Variants in NOS2 observed in about 807,000 individuals in gnomAD.
NOS2 encodes nitric oxide synthase, inducible.
NOS2 carries 96 observed loss-of-function variants against 136.0 expected under a neutral mutation model. The observed-to-expected ratio is 0.71, with a 90% CI of 0.60 to 0.84. The LOEUF (loss-of-function observed/expected upper bound fraction) is 0.84, where lower values mean the gene tolerates loss of function less well. NOS2 is among the 40% of genes least tolerant of loss of function. The probability of loss-of-function intolerance (pLI) is 0.00; values close to 1 mark genes in which losing one functional copy is unlikely to be tolerated. For missense variants in NOS2, 1,237 were observed against 1,496.9 expected, an observed-to-expected ratio of 0.83 and a Z score of 2.87; for synonymous variants, 539 against 587.5, an observed-to-expected ratio of 0.92 and a Z score of 1.20.
chr17:27,763,332 A>G (rs1242543201), intron 21 of NOS2, among the ~76,000 whole-genome samples: 1 of 152,200 alleles, frequency 6.6e-6, no homozygotes, highest in Non-Finnish European at 1.5e-5. Context: ...TGTCCTCACT[A>G]GCTGTGGAAT....
intron 3 of NOS2, among the ~76,000 whole-genome samples, chr17:27,789,293 A>T (rs544601301): frequency 6.6e-6 from 1 of 152,278 alleles, no homozygotes; most frequent in African/African-American, 2.4e-5. Context: ...AGGACATATA[A>T]GCCACCCTCT....
rs28942378 is a variant in NOS2, at chr17:27,782,398, T to C, written c.631-292A>G. 4.0e-3 allele frequency among the ~76,000 whole-genome samples: 611 copies of C among 152,254 alleles called. 2 individuals are homozygous for C. The highest frequency in any genetic ancestry group is 0.013 in the African/African-American group (549 of 41,538). ...CCCAGAATTCCAAGAAAACCTGACT[T>C]GAAAGCACCATGAATCGGGATTGCC... On this transcript the variant is annotated intron_variant, in intron 6 of 26. Coordinates refer to ENST00000313735, the MANE Select transcript of NOS2 (RefSeq NM_000625.4).
intron 22 of NOS2, 21 bp from the exon 23 acceptor site, chr17:27,761,252 G>T (rs1228446187): frequency 6.3e-7 from 1 of 1,585,624 alleles, no homozygotes; most frequent in Admixed American, 1.8e-5. Context: ...ACCACAAAGT[G>T]ACCAACGTCC....
At chr17:27,789,573 G>T (rs990782568) in intron 3 of NOS2, 31 bp downstream of exon 3, 1 of 1,538,238 alleles carries the variant, frequency 6.5e-7, no homozygotes, top group East Asian at 2.2e-5. Context: ...CAGGGAGGAA[G>T]GGGCTTCCCA....
chr17:27,785,304 A>T (rs906127664), intron 5 of NOS2, among the ~76,000 whole-genome samples: 4 of 152,210 alleles, frequency 2.6e-5, no homozygotes, highest in Admixed American at 2.0e-4. Flanking sequence ...CTGTGGCCCA[A>T]TGAAACCCAT....
At chr17:27,795,522 G>A (rs1476101985) in intron 2 of NOS2, among the ~76,000 whole-genome samples, 1 of 152,228 alleles carries the variant, frequency 6.6e-6, no homozygotes, top group Non-Finnish European at 1.5e-5. Flanking sequence ...ACAGAGCCAG[G>A]GGAGTGGGCA....
In NOS2 at chr17:27,760,221, G is replaced by C. The variant is rs762409711; in HGVS notation, c.3011-43C>G. Reference sequence around the variant, plus strand: ...TGTTGTTACCATGTTGGCCACCAGAGGGCGCCAGGGCTCCAAGCCCAACTG... The same window carrying C: ...TGTTGTTACCATGTTGGCCACCAGACGGCGCCAGGGCTCCAAGCCCAACTG... On this transcript the variant is annotated intron_variant, in intron 24 of 26. Coordinates refer to ENST00000313735, the MANE Select transcript of NOS2 (RefSeq NM_000625.4). The C allele has an allele frequency of 3.3e-6, 5 of 1,499,266 alleles. No individual in the cohort carries two copies. In the African/African-American group the frequency reaches 7.0e-5, roughly 21 times the overall value. 92.9% of individuals were successfully genotyped at this position (1,499,266 alleles called of 1,614,324 possible).
rs200972060 is a variant in NOS2, at chr17:27,798,767, G to A, written c.43C>T (p.Gln15Ter). 4 of 1,614,018 alleles carry A rather than the reference G, an allele frequency of 2.5e-6. No individual in the cohort carries two copies. Among genetic ancestry groups the A allele is most frequent in the Non-Finnish European group, 3.4e-6 (4 of 1,179,870 alleles). ...WKFLFKTKFH[Q>*]YAMNGEKDIN... is the part of the protein sequence containing the mutation. ...TCTTTTTCCCCATTCATTGCATACT[G>A]GTGGAATTTGGTCTTGAACAGAAAT... is the stretch of plus-strand genomic sequence containing the variant. Residue 15 changes from glutamine to a stop codon, truncating the protein, a stop_gained, in exon 2 of 27, where the codon CAG becomes TAG. Coordinates refer to ENST00000313735, the MANE Select transcript of NOS2 (RefSeq NM_000625.4). LOFTEE classifies it high-confidence loss of function.
intron 1 of NOS2, among the ~76,000 whole-genome samples, chr17:27,799,452 C>T (rs1054180420): frequency 3.3e-5 from 5 of 152,144 alleles, no homozygotes; most frequent in African/African-American, 7.2e-5. Context: ...TGCACTCATC[C>T]CTCGAAATCT....
At chr17:27,771,113 G>T in intron 14 of NOS2, 96 bp from the exon 15 acceptor site, 1 of 836,440 alleles carries the variant, frequency 1.2e-6, no homozygotes. Flanking sequence ...ACTGCCCCCA[G>T]GCTGCGGCTC....
At chr17:27,785,831 C>T (rs1909003951) in intron 5 of NOS2, among the ~76,000 whole-genome samples, 1 of 151,854 alleles carries the variant, frequency 6.6e-6, no homozygotes, top group South Asian at 2.1e-4. Context: ...TAGTGGTGCA[C>T]ACCTGTGGTC....
At chr17:27,773,590 G>C (rs1034061634) in intron 12 of NOS2, among the ~76,000 whole-genome samples, 2 of 152,184 alleles carry the variant, frequency 1.3e-5, no homozygotes, top group Admixed American at 6.5e-5. Flanking sequence ...ACACCTTTGA[G>C]AGCAAGAAGA....
intron 14 of NOS2, among the ~76,000 whole-genome samples, chr17:27,771,872 A>G (rs1345049850): frequency 1.3e-5 from 2 of 152,232 alleles, no homozygotes; most frequent in Admixed American, 6.5e-5. Flanking sequence ...CGTGGCCACC[A>G]TTCCCTAAGA....
chr17:27,760,768 G>C (rs200932086), intron 23 of NOS2, 24 bp from the exon 24 acceptor site: 2 of 1,545,886 alleles, frequency 1.3e-6, no homozygotes, highest in Non-Finnish European at 8.7e-7. Flanking sequence ...GAGAAGAGGG[G>C]GCCAGTCCTC....
At position 27,784,161 on chromosome 17, in the gene NOS2, C is replaced by CACACACACA. The variant is rs3221879; in HGVS notation, c.468-1056_468-1055insTGTGTGTGT. Among the ~76,000 whole-genome samples, 9 of 143,334 alleles carry CACACACACA rather than the reference C, an allele frequency of 6.3e-5. No homozygotes were observed. In the East Asian group the frequency reaches 7.9e-4, roughly 13 times the overall value. 94.0% of individuals were successfully genotyped at this position (143,334 alleles called of 152,430 possible). A position where few individuals can be genotyped will look rare whatever the true frequency, so the allele number is the denominator to read the frequency against. ...ACACACACACACACACACACACACA[C>CACACACACA]TACCACCACCACCAACAACAACAAC... is the stretch of plus-strand genomic sequence containing the variant. On this transcript the variant is annotated intron_variant, in intron 5 of 26. Transcript: ENST00000313735.
In NOS2 at chr17:27,799,131, A is replaced by G. The variant is rs28998798; in HGVS notation, c.-73-249T>C. On this transcript the variant is annotated intron_variant, in intron 1 of 26. Coordinates refer to ENST00000313735, the MANE Select transcript of NOS2 (RefSeq NM_000625.4). ...CCCCCCATCCCCATCGCCACTTAAC[A>G]AGGACAAACTGTATGCACCATGAGC... Among the ~76,000 whole-genome samples the G allele has an allele frequency of 9.7e-4, 147 of 152,242 alleles. 5 individuals are homozygous for G. The East Asian group carries it at 0.025, about 26-fold the overall frequency.
In NOS2 at chr17:27,779,056, T is replaced by G. The variant is rs1908755977; in HGVS notation, c.1005A>C (p.Lys335Asn). ...GCTCCAGTTCCCGAAACCACTCGTA[T>G]CTGGCAAAAAGGTAGACACAATTTA... is the stretch of plus-strand genomic sequence containing the variant. The part of the protein sequence containing the change: ...LVLEVAMEHP[K>N]YEWFRELELK... The change falls in exon 10 of 27, where the codon AAA becomes AAC. Residue 335 changes from lysine (K) to asparagine (N), a missense_variant and splice_region_variant. By Grantham distance (94) the Lys-to-Asn change is moderately conservative. Around this residue, in one of 3 missense-constraint regions of NOS2, gnomAD observed 440 missense variants for 545.4 expected, o/e 0.81. Transcript: ENST00000313735. The G allele has an allele frequency of 6.7e-7, 1 of 1,501,758 alleles. No individual in the cohort carries two copies. The highest frequency in any genetic ancestry group is 1.4e-5 in the African/African-American group (1 of 70,904). 93.0% of individuals were successfully genotyped at this position (1,501,758 alleles called of 1,614,324 possible). A position where few individuals can be genotyped will look rare whatever the true frequency, so the allele number is the denominator to read the frequency against.
chr17:27,767,418 C>T (rs1240342815), intron 18 of NOS2, among the ~76,000 whole-genome samples: 1 of 152,218 alleles, frequency 6.6e-6, no homozygotes, highest in Non-Finnish European at 1.5e-5. Context: ...AGTGTCCAGG[C>T]TCACTTAGCC....
At chr17:27,779,852 T>C (rs1270480341) in intron 9 of NOS2, among the ~76,000 whole-genome samples, 1 of 152,218 alleles carries the variant, frequency 6.6e-6, no homozygotes, top group African/African-American at 2.4e-5. Context: ...ATGGAATTAT[T>C]ATAAAGCTAG....
Sources: gnomAD v4.1 joint callset for allele counts (sites outside exome capture counted in the v4.1 genomes callset) on GRCh38, gnomAD v4.1.1 for gene constraint, gnomAD v4.1.1 regional missense constraint, MANE v1.5 for transcripts, NCBI Gene and HGNC (gene_info 2026-07-23, HGNC 2026-07-21) for gene names.